The following SLC2A9 variants were observed in gnomAD, a reference collection of about 807,000 sequenced individuals.
The protein encoded by SLC2A9 is solute carrier family 2, facilitated glucose transporter member 9.
In SLC2A9, 39 loss-of-function variants were observed where a neutral mutation model predicts 50.6. The observed-to-expected ratio is 0.77, with a 90% confidence interval of 0.60 to 1.01. The LOEUF (loss-of-function observed/expected upper bound fraction) is 1.01, where lower values mean the gene tolerates loss of function less well. SLC2A9 is among the 50% of genes least tolerant of loss of function. The probability of loss-of-function intolerance (pLI) is 0.00; values close to 1 mark genes in which losing one functional copy is unlikely to be tolerated. For synonymous variants in SLC2A9, 324 were observed against 276.9 expected, an observed-to-expected ratio of 1.17 and a Z score of -1.69; for missense variants, 686 against 677.6, an observed-to-expected ratio of 1.01 and a Z score of -0.14.
At chr4:9,969,363 T>C (rs1303684968) in intron 5 of SLC2A9, among the ~76,000 whole-genome samples, 1 of 152,248 alleles carries the variant, frequency 6.6e-6, no homozygotes, top group African/African-American at 2.4e-5. Flanking sequence ...GGGGAACTTT[T>C]ATCCTATTTT....
intron 3 of SLC2A9, among the ~76,000 whole-genome samples, chr4:9,991,579 A>G (rs1311917659): frequency 1.3e-5 from 2 of 152,164 alleles, no homozygotes; most frequent in African/African-American, 4.8e-5. Flanking sequence ...AGAGATTTGG[A>G]TTTTTTTAAG....
At chr4:9,923,018 G>C (rs1468896642) in intron 6 of SLC2A9, 1 of 152,162 alleles carries the variant, frequency 6.6e-6, no homozygotes, top group Non-Finnish European at 1.5e-5. Flanking sequence ...ACGGCCTGTT[G>C]GGATTTGGGC....
chr4:10,025,994 G>T (rs759082095), upstream of SLC2A9: 3 of 1,610,254 alleles, frequency 1.9e-6, no homozygotes, highest in Non-Finnish European at 2.5e-6. Context: ...TTGAACTTTT[G>T]TTGTTATTGT....
intron 10 of SLC2A9, among the ~76,000 whole-genome samples, chr4:9,870,503 G>A (rs973244366): frequency 6.6e-6 from 1 of 152,170 alleles, no homozygotes; most frequent in African/African-American, 2.4e-5. Context: ...ACTTTGAAGG[G>A]CTCAAAATCT....
At chr4:10,029,584 TTTATTTTATA>T (rs1468689758) in intron 1 of SLC2A9, among the ~76,000 whole-genome samples, 170 of 124,880 alleles carry the variant, frequency 1.4e-3, no homozygotes, top group African/African-American at 3.5e-3. Context: ...ATATTTTTAT[TTTATTTTATA>T]TTATTTTATT....
At chr4:9,801,386 GCTAA>G (rs1359509236) in intron 3 of SLC2A9, among the ~76,000 whole-genome samples, 2 of 152,190 alleles carry the variant, frequency 1.3e-5, no homozygotes, top group Admixed American at 6.5e-5. Context: ...AGTAGCTACC[GCTAA>G]CTGAGGATAA....
chr4:9,840,570 C>T (rs2109209019), intron 10 of SLC2A9, among the ~76,000 whole-genome samples: 1 of 152,210 alleles, frequency 6.6e-6, no homozygotes. Context: ...CTAAGCCTTC[C>T]ACCTAGAGAT....
chr4:9,856,845 A>C (rs1309942751), intron 10 of SLC2A9, among the ~76,000 whole-genome samples: 2 of 152,180 alleles, frequency 1.3e-5, no homozygotes, highest in African/African-American at 2.4e-5. Context: ...CCATTATCCT[A>C]AGTCAACTAA....
chr4:9,888,431 A>G (rs1736709849), intron 9 of SLC2A9, among the ~76,000 whole-genome samples: 1 of 151,822 alleles, frequency 6.6e-6, no homozygotes, highest in African/African-American at 2.4e-5. Flanking sequence ...GCGTTAATTC[A>G]TTTCATGGAA....
At chr4:9,797,001 A>G (rs756181038), downstream of SLC2A9, among the ~76,000 whole-genome samples, 4 of 152,234 alleles carry the variant, frequency 2.6e-5, no homozygotes, top group Non-Finnish European at 5.9e-5. Context: ...TGTTTGCTGA[A>G]TAATAATACA....
At chr4:9,815,886 G>T (rs1723513042) in intron 3 of SLC2A9, among the ~76,000 whole-genome samples, 1 of 152,116 alleles carries the variant, frequency 6.6e-6, no homozygotes, top group Admixed American at 6.5e-5. Flanking sequence ...AATAAAAAAT[G>T]AGGCCGGGCA....
chr4:9,782,595 G>A (rs369087783), intron 3 of SLC2A9: 1 of 1,613,840 alleles, frequency 6.2e-7, no homozygotes, highest in Non-Finnish European at 8.5e-7. Flanking sequence ...GCCTCTTGGG[G>A]CGGGCTGGAC....
Position 9,890,618 on chromosome 4 carries a change from T to G in SLC2A9, c.1207A>C (p.Thr403Pro). 1 of 1,613,974 alleles carries G rather than the reference T, an allele frequency of 6.2e-7. No individual in the cohort carries two copies. Among genetic ancestry groups the G allele is most frequent in the Non-Finnish European group, 8.5e-7 (1 of 1,179,970 alleles). Residue 403 changes from threonine to proline, a missense_variant, in exon 9 of 12, where the codon ACC (threonine) becomes CCC (proline). Thr to Pro is a conservative substitution (Grantham distance 38, BLOSUM62 -1). Transcript: ENST00000264784. ...LFFGTLTITLTLQDHAPWVPY... is the reference protein window; with the variant it reads ...LFFGTLTITLPLQDHAPWVPY... ...CAAGAACATCGTCTCACCTGCAGGG[T>G]CAGCGTGATGGTGAGGGTCCCAAAG...
intron 8 of SLC2A9, among the ~76,000 whole-genome samples, chr4:9,893,189 G>A (rs1016265966): frequency 4.0e-4 from 61 of 152,054 alleles, no homozygotes; most frequent in Non-Finnish European, 2.8e-4. Flanking sequence ...TCCCGGACCC[G>A]AACAAGGGCA....
intron 3 of SLC2A9, among the ~76,000 whole-genome samples, chr4:9,802,932 T>C (rs16888799): frequency 0.12 from 18,351 of 152,222 alleles, 1,161 homozygotes; most frequent in Middle Eastern, 0.16. Flanking sequence ...ACAGAACCCT[T>C]TCCGAAGACC....
chr4:9,910,002 A>G (rs1266956336), intron 7 of SLC2A9, among the ~76,000 whole-genome samples: 1 of 152,186 alleles, frequency 6.6e-6, no homozygotes, highest in Non-Finnish European at 1.5e-5. Flanking sequence ...AAAATTATTC[A>G]TGCATTGGGG....
At chr4:9,800,895 C>G (rs183053800) in intron 3 of SLC2A9, among the ~76,000 whole-genome samples, 2 of 151,974 alleles carry the variant, frequency 1.3e-5, no homozygotes, top group Non-Finnish European at 2.9e-5. Context: ...CCATGGATAC[C>G]GAGGGACAAC....
At chr4:9,829,917 A>G (rs1029306824) in intron 11 of SLC2A9, among the ~76,000 whole-genome samples, 1 of 152,196 alleles carries the variant, frequency 6.6e-6, no homozygotes, top group Non-Finnish European at 1.5e-5. Flanking sequence ...TGTTGGTGGG[A>G]GTTTAAATTA....
At chr4:9,797,727 C>G (rs960665789), downstream of SLC2A9, among the ~76,000 whole-genome samples, 49 of 152,210 alleles carry the variant, frequency 3.2e-4, no homozygotes, top group African/African-American at 1.2e-3. Flanking sequence ...TCCCTAGCCA[C>G]CAGTTTCTGC....
Sources: gnomAD v4.1 joint callset for allele counts (sites outside exome capture counted in the v4.1 genomes callset) on GRCh38, gnomAD v4.1.1 for gene constraint, MANE v1.5 for transcripts, NCBI Gene and HGNC (gene_info 2026-07-23, HGNC 2026-07-21) for gene names.